The following SLIT2 variants were observed in gnomAD, a reference collection of about 807,000 sequenced individuals.
SLIT2 encodes the protein slit homolog 2 protein.
In SLIT2, 41 loss-of-function variants were observed where a neutral mutation model predicts 185.7. That is an observed-to-expected ratio of 0.22 (90% confidence interval 0.17 to 0.29). The LOEUF (loss-of-function observed/expected upper bound fraction) is 0.29, where lower values mean the gene tolerates loss of function less well. Ranked by LOEUF, SLIT2 falls within the 10% of genes least tolerant of loss-of-function variation. The pLI, the probability that SLIT2 is intolerant of heterozygous loss-of-function variation, is 1.00. For synonymous variants in SLIT2, 693 were observed against 680.2 expected, an observed-to-expected ratio of 1.02 and a Z score of -0.29; for missense variants, 1,571 against 1,909.0, an observed-to-expected ratio of 0.82 and a Z score of 3.30.
chr4:20,472,295 G>GATCT lies in SLIT2; in HGVS notation c.467+4474_467+4475insCTAT, dbSNP rs1715223364. Among the ~76,000 whole-genome samples the GATCT allele has an allele frequency of 1.2e-3, 30 of 25,886 alleles. 3 individuals carry two copies. Among genetic ancestry groups the GATCT allele is most frequent in the African/African-American group, 2.6e-3 (10 of 3,854 alleles). The allele number at this position is 25,886 out of a possible 152,430, so 17.0% of individuals were successfully genotyped here. A position where few individuals can be genotyped will look rare whatever the true frequency, so the allele number is the denominator to read the frequency against. The stretch of plus-strand genomic sequence containing the variant: ...ATATATCTATATATATAGATATATA[G>GATCT]ATATATAGATCTATATATAGATATA... On this transcript the variant is annotated intron_variant, in intron 5 of 36. Coordinates refer to ENST00000504154, the MANE Select transcript of SLIT2 (RefSeq NM_004787.4).
intron 3 of SLIT2, among the ~76,000 whole-genome samples, chr4:20,267,736 G>A (rs886951117): frequency 3.3e-5 from 5 of 151,674 alleles, no homozygotes; most frequent in Admixed American, 6.6e-5. Context: ...GCATCTACCC[G>A]ATGACCCTTG....
chr4:20,418,612 C>T (rs1373102029), intron 4 of SLIT2, among the ~76,000 whole-genome samples: 2 of 152,076 alleles, frequency 1.3e-5, no homozygotes, highest in Middle Eastern at 3.2e-3. Context: ...AACTCAAACC[C>T]GATAGCATAT....
At chr4:20,278,515 G>A (rs187969257) in intron 4 of SLIT2, among the ~76,000 whole-genome samples, 21 of 151,844 alleles carry the variant, frequency 1.4e-4, no homozygotes, top group African/African-American at 4.8e-4. Flanking sequence ...TTCCCAAAGC[G>A]ACTTTTCTAC....
At position 20,253,545 on chromosome 4, in the gene SLIT2, C is replaced by T. The variant is rs188987260; in HGVS notation, c.-271C>T. The T allele has an allele frequency of 9.7e-4, 508 of 524,624 alleles. 3 individuals are homozygous for T. In the East Asian group the frequency reaches 0.014, roughly 15 times the overall value. The allele number at this position is 524,624 out of a possible 1,614,324, so 32.5% of individuals were successfully genotyped here. On this transcript the variant is annotated 5_prime_UTR_variant, in exon 1 of 37. Transcript: ENST00000504154. ...CTCCTCTCCGCTGCTCTTGGGGTCT[C>T]CTTGCAGCCCTGGCCAGGCGGATTC...
At position 20,253,750 on chromosome 4, in the gene SLIT2, G is replaced by C. The variant is rs1722220610; in HGVS notation, c.-66G>C. On this transcript the variant is annotated 5_prime_UTR_variant, in exon 1 of 37. Coordinates refer to ENST00000504154, the MANE Select transcript of SLIT2 (RefSeq NM_004787.4). Reference sequence around the variant, plus strand: ...GGCACTGGGCCTCAGACACTGCGCGGTTCCCTCGGAGCAGCAAGCTAAAGA... The same window carrying C: ...GGCACTGGGCCTCAGACACTGCGCGCTTCCCTCGGAGCAGCAAGCTAAAGA... 6.4e-7 allele frequency: 1 copy of C among 1,566,310 alleles called. No homozygotes were observed. The highest frequency in any genetic ancestry group is 8.6e-7 in the Non-Finnish European group (1 of 1,160,296).
Position 20,254,081 on chromosome 4 carries a change from T to C in SLIT2, c.179+87T>C, listed in dbSNP as rs1184835379. The C allele has an allele frequency of 7.9e-6, 11 of 1,384,002 alleles. No individual in the cohort carries two copies. The highest frequency in any genetic ancestry group is 1.9e-5 in the Admixed American group (1 of 51,782). The allele number at this position is 1,384,002 out of a possible 1,614,324, so 85.7% of individuals were successfully genotyped here. On this transcript the variant is annotated intron_variant, in intron 1 of 36. Transcript: ENST00000504154. The surrounding 1 kb of genome is among the most constrained non-coding windows in gnomAD (Gnocchi z 5.1). ...GGAGGAACCTGTCAGCTCAGGGTCC[T>C]GTGCCTGGGGCAGCCCTCGCTAGCT...
At chr4:20,308,339 A>G (rs537953732) in intron 4 of SLIT2, among the ~76,000 whole-genome samples, 2 of 152,354 alleles carry the variant, frequency 1.3e-5, no homozygotes, top group East Asian at 3.9e-4. Context: ...GGAGTGCTCC[A>G]AAGTGCCAAT....
chr4:20,479,629 GA>G (rs57525605), intron 5 of SLIT2, among the ~76,000 whole-genome samples: 153 of 143,978 alleles, frequency 1.1e-3, no homozygotes, highest in Middle Eastern at 3.5e-3. Context: ...TGCTTGTTCA[GA>G]AAAAAAAAAA....
chr4:20,364,863 A>G (rs562591013), intron 4 of SLIT2, among the ~76,000 whole-genome samples: 1 of 152,292 alleles, frequency 6.6e-6, no homozygotes, highest in Admixed American at 6.5e-5. Context: ...ATACTAATGT[A>G]TAGAAGATTT....
At chr4:20,525,864 A>T (rs918450977) in intron 15 of SLIT2, among the ~76,000 whole-genome samples, 3 of 152,298 alleles carry the variant, frequency 2.0e-5, no homozygotes, top group African/African-American at 7.2e-5. Flanking sequence ...ATTTAGGCAG[A>T]TGGATAAAAT....
chr4:20,496,531 C>T (rs1361588421), intron 9 of SLIT2, among the ~76,000 whole-genome samples: 1 of 152,186 alleles, frequency 6.6e-6, no homozygotes, highest in African/African-American at 2.4e-5. Flanking sequence ...CAACAGGCCT[C>T]ATTATACTGA....
At chr4:20,456,618 G>A (rs886423653) in intron 4 of SLIT2, among the ~76,000 whole-genome samples, 3 of 152,120 alleles carry the variant, frequency 2.0e-5, no homozygotes, top group Admixed American at 1.3e-4. Context: ...GAGAAAAATA[G>A]GATCACATTT....
At chr4:20,609,673 A>G (rs1459051901) in intron 33 of SLIT2, among the ~76,000 whole-genome samples, 1 of 152,228 alleles carries the variant, frequency 6.6e-6, no homozygotes, top group Non-Finnish European at 1.5e-5. Flanking sequence ...ATCTTGGTAA[A>G]TGGACCTTTT....
rs200608895 is a variant in SLIT2 at position 20,566,690 on chromosome 4, TAATG to T, written c.2726-569_2726-566del. On this transcript the variant is annotated intron_variant, in intron 26 of 36. Transcript: ENST00000504154. ...AATCAAAAGGAAATGAGGGAGATGA[TAATG>T]AAGGTTACACTTTTGGTTTATTTCT... Among the ~76,000 whole-genome samples, 399 of 152,146 alleles carry T rather than the reference TAATG, an allele frequency of 2.6e-3. 10 individuals are homozygous for T. In the South Asian group the frequency reaches 0.06, roughly 23 times the overall value.
chr4:20,585,992 C>T (rs1398748283), intron 29 of SLIT2, among the ~76,000 whole-genome samples: 1 of 152,138 alleles, frequency 6.6e-6, no homozygotes, highest in African/African-American at 2.4e-5. Flanking sequence ...CTCTATTCTT[C>T]CTGGAAAACC....
intron 4 of SLIT2, among the ~76,000 whole-genome samples, chr4:20,317,837 C>G (rs956296191): frequency 4.6e-5 from 7 of 151,898 alleles, no homozygotes; most frequent in African/African-American, 9.7e-5. Flanking sequence ...GATAAAAGAA[C>G]AAATACTGAG....
intron 18 of SLIT2, 151 bp from the exon 19 acceptor site, chr4:20,539,290 T>C: frequency 1.6e-6 from 1 of 627,800 alleles, no homozygotes; most frequent in Non-Finnish European, 2.7e-6. Context: ...ATTCCCAGTA[T>C]ATATTCATAG....
intron 18 of SLIT2, among the ~76,000 whole-genome samples, chr4:20,537,681 A>G (rs988437093): frequency 5.3e-5 from 8 of 152,148 alleles, no homozygotes; most frequent in Admixed American, 1.3e-4. Context: ...CAAGCGTCAT[A>G]GAGCATTTTA....
intron 26 of SLIT2, among the ~76,000 whole-genome samples, chr4:20,558,234 A>G (rs1187451991): frequency 6.6e-6 from 1 of 152,082 alleles, no homozygotes; most frequent in African/African-American, 2.4e-5. Context: ...AGCATCACAT[A>G]CTACAGAGAA....
Sources: allele counts gnomAD v4.1 joint callset (sites outside exome capture counted in the v4.1 genomes callset), GRCh38; gene constraint gnomAD v4.1.1; non-coding constraint Gnocchi (gnomAD v3.1); transcripts MANE v1.5; gene names NCBI Gene and HGNC (gene_info 2026-07-23, HGNC 2026-07-21).